PRKDC: variants seen among roughly 807,000 people sequenced by gnomAD.
PRKDC encodes the protein protein kinase, DNA-activated, catalytic subunit, also known as DNA-dependent protein kinase catalytic subunit.
Under a neutral mutation model 486.9 loss-of-function variants are expected in PRKDC, and 82 were observed. The observed-to-expected ratio is 0.17, with a 90% CI of 0.14 to 0.20. The LOEUF is 0.20. PRKDC is among the 10% of genes least tolerant of loss of function. The pLI, the probability that PRKDC is intolerant of heterozygous loss-of-function variation, is 1.00. For missense variants in PRKDC, 4,504 were observed against 5,038.2 expected (o/e 0.89, Z 3.21); for synonymous variants, 1,895 against 1,837.0 (o/e 1.03, Z -0.81).
intron 21 of PRKDC, among the ~76,000 whole-genome samples, chr8:47,923,590 C>G (rs2090109089): frequency 1.3e-5 from 2 of 152,194 alleles, no homozygotes; most frequent in African/African-American, 4.8e-5. Flanking sequence ...GGTGTCTATG[C>G]TGTAAAATCA....
At chr8:47,946,545 C>T (rs1019973173) in intron 7 of PRKDC, among the ~76,000 whole-genome samples, 1 of 152,094 alleles carries the variant, frequency 6.6e-6, no homozygotes, top group Non-Finnish European at 1.5e-5. Context: ...CCACCGGATG[C>T]GAGGCAGCCC....
intron 7 of PRKDC, among the ~76,000 whole-genome samples, chr8:47,952,821 T>C (rs1489691871): frequency 1.3e-5 from 2 of 151,320 alleles, no homozygotes; most frequent in African/African-American, 4.9e-5. Flanking sequence ...CTGGCCAACA[T>C]GGTGAAACCC....
chr8:47,900,551 G>A, intron 27 of PRKDC, 84 bp from the exon 28 acceptor site: 1 of 1,264,116 alleles, frequency 7.9e-7, no homozygotes, highest in Non-Finnish European at 1.1e-6. Context: ...AATTAAAGAA[G>A]GCACACATTA....
chr8:47,841,485 C>A (rs1293307996), intron 54 of PRKDC, among the ~76,000 whole-genome samples: 1 of 152,194 alleles, frequency 6.6e-6, no homozygotes. Flanking sequence ...ATTACCCAGC[C>A]TGAGTGCTTT....
Position 47,888,627 on chromosome 8 carries a change from T to C in PRKDC, c.4304A>G (p.Asn1435Ser). The C allele has an allele frequency of 1.3e-6, 2 of 1,594,128 alleles. No homozygotes were observed. The highest frequency in any genetic ancestry group is 1.2e-5 in the South Asian group (1 of 86,952). ...AQSIEELCAVNLYGPDAQVDR... is the reference protein window; with the variant it reads ...AQSIEELCAVSLYGPDAQVDR... ...CACTTGCGCGTCAGGGCCATACAAG[T>C]TGACGGCACAAAGCTCCTCAATGCT... The change falls in exon 34 of 86, where the codon AAC (asparagine) becomes AGC (serine). Residue 1435 changes from asparagine (N) to serine (S), a missense_variant. This residue lies in a region of PRKDC where 1,969 missense variants were observed against 2,068.9 expected (regional missense o/e 0.95). Coordinates refer to ENST00000314191, the MANE Select transcript of PRKDC (RefSeq NM_006904.7).
Position 47,889,104 on chromosome 8 carries a change from T to G in PRKDC, c.4190A>C (p.Asp1397Ala), listed in dbSNP as rs773625506. 6.2e-7 allele frequency: 1 copy of G among 1,613,936 alleles called. No individual in the cohort carries two copies. The highest frequency in any genetic ancestry group is 1.1e-5 in the South Asian group (1 of 91,080). Reference protein sequence around the residue: ...GDVQVMAHLPDVCVNLMKALK... With the variant: ...GDVQVMAHLPAVCVNLMKALK... ...AGCTTTCATCAGATTCACACAAACATCAGGAAGATGAGCCATAACCTGGAC... is the reference window on the plus strand; with the variant it reads ...AGCTTTCATCAGATTCACACAAACAGCAGGAAGATGAGCCATAACCTGGAC... Residue 1397 changes from aspartate to alanine, a missense_variant, in exon 33 of 86, where the codon GAT (aspartate) becomes GCT (alanine). Asp to Ala is a moderately radical substitution (Grantham distance 126). Around this residue, in one of 6 missense-constraint regions of PRKDC, gnomAD observed 1,969 missense variants for 2,068.9 expected, o/e 0.95. Transcript: ENST00000314191.
chr8:47,798,274 C>A lies in PRKDC; in HGVS notation c.10421G>T (p.Arg3474Leu), dbSNP rs761784130. 6.2e-7 allele frequency: 1 copy of A among 1,613,696 alleles called. No homozygotes were observed. Among genetic ancestry groups the A allele is most frequent in the Non-Finnish European group, 8.5e-7 (1 of 1,179,790 alleles). Reference protein sequence around the residue: ...KFPRLLQIIERYPEETLSLMT... With the variant: ...KFPRLLQIIELYPEETLSLMT... ...GAGGCTCAAAGTCTCCTCTGGATAC[C>A]GTTCTATAATCTGAAGTAATCTAGG... is the stretch of plus-strand genomic sequence containing the variant. Residue 3474 changes from arginine (R) to leucine (L), a missense_variant, in exon 73 of 86, where the codon CGG becomes CTG. Arg to Leu is a moderately radical substitution (Grantham distance 102, BLOSUM62 -2). Coordinates refer to ENST00000314191, the MANE Select transcript of PRKDC (RefSeq NM_006904.7).
Position 47,943,955 on chromosome 8 carries a change from A to G in PRKDC, c.777+19T>C. On this transcript the variant is annotated intron_variant, in intron 8 of 85. Transcript: ENST00000314191. ...CTGTAAAGGCATTAGAATAATATTA[A>G]TAGTAATATTAATCCTACCTGAGGA... 1.3e-6 allele frequency: 2 copies of G among 1,548,906 alleles called. No individual in the cohort carries two copies. Among genetic ancestry groups the G allele is most frequent in the Non-Finnish European group, 8.8e-7 (1 of 1,138,696 alleles).
chr8:47,857,290 G>A lies in PRKDC; in HGVS notation c.6475C>T (p.Pro2159Ser), dbSNP rs947110464. 5 of 1,607,334 alleles carry A rather than the reference G, an allele frequency of 3.1e-6. No homozygotes were observed. Among genetic ancestry groups the A allele is most frequent in the Non-Finnish European group, 4.2e-6 (5 of 1,178,030 alleles). ...GGGCTAAGCCAGTGCTTCGCGTAAG[G>A]GCGAAAGACCTACAAGAGGATGTAA... is the stretch of plus-strand genomic sequence containing the variant. ...LVINTEEVFR[P>S]YAKHWLSPLL... The change falls in exon 49 of 86, where the codon CCT (proline) becomes TCT (serine). Residue 2159 changes from proline (P) to serine (S), a missense_variant. Transcript: ENST00000314191.
In PRKDC at chr8:47,849,310, G is replaced by A. The variant is rs2088349745; in HGVS notation, c.7131-7C>T. ...GAACACAGCATTCATGAACCTGGCGGGGAAGGGAACTGGTGAGAGGAGGGC... is the reference window on the plus strand; with the variant it reads ...GAACACAGCATTCATGAACCTGGCGAGGAAGGGAACTGGTGAGAGGAGGGC... On this transcript the variant is annotated splice_region_variant and splice_polypyrimidine_tract_variant and intron_variant, in intron 53 of 85. Transcript: ENST00000314191. 5.6e-6 allele frequency: 9 copies of A among 1,613,950 alleles called. No homozygotes were observed. The highest frequency in any genetic ancestry group is 7.6e-6 in the Non-Finnish European group (9 of 1,179,870).
chr8:47,884,242 G>C (rs1203828546), intron 36 of PRKDC, among the ~76,000 whole-genome samples: 2 of 152,216 alleles, frequency 1.3e-5, no homozygotes, highest in African/African-American at 2.4e-5. Flanking sequence ...CAGCAGCAGA[G>C]ACAGGAGGCT....
At chr8:47,816,851 A>G (rs2087458271) in intron 68 of PRKDC, among the ~76,000 whole-genome samples, 1 of 152,130 alleles carries the variant, frequency 6.6e-6, no homozygotes, top group South Asian at 2.1e-4. Context: ...AGTGGAGGAA[A>G]TAATGGGAGA....
Position 47,773,455 on chromosome 8 carries a change from A to G in PRKDC, c.*718T>C, listed in dbSNP as rs548147233. On this transcript the variant is annotated 3_prime_UTR_variant, in exon 86 of 86. Transcript: ENST00000314191. ...GATTTTTGAAGTTATCCCAAATTCAATGCAAAGCACTTTTATGTATCTTCC... is the reference window on the plus strand; with the variant it reads ...GATTTTTGAAGTTATCCCAAATTCAGTGCAAAGCACTTTTATGTATCTTCC... The G allele has an allele frequency of 1.8e-5, 4 of 217,886 alleles. No homozygotes were observed. Among genetic ancestry groups the G allele is most frequent in the East Asian group, 1.4e-4 (2 of 14,592 alleles). The allele number at this position is 217,886 out of a possible 1,614,324, so 13.5% of individuals were successfully genotyped here.
At position 47,837,213 on chromosome 8, in the gene PRKDC, T is replaced by C. The variant is rs749917157; in HGVS notation, c.7760A>G (p.Gln2587Arg). 9.3e-6 allele frequency: 15 copies of C among 1,611,560 alleles called. No individual in the cohort carries two copies. The South Asian group carries it at 1.5e-4, about 17-fold the overall frequency. ...CTATGAGAGAGAAGACCACATTACC[T>C]GAAATTCGCATTCTGACAGAGGATG... ...FEHPLSECEFQEYTIDSDWRF... is the reference protein window; with the variant it reads ...FEHPLSECEFREYTIDSDWRF... Residue 2587 changes from glutamine (Q) to arginine (R), a missense_variant and splice_region_variant, in exon 57 of 86, where the codon CAG (glutamine) becomes CGG (arginine). Transcript: ENST00000314191.
intron 12 of PRKDC, 132 bp from the exon 13 acceptor site, chr8:47,936,032 T>C: frequency 1.1e-6 from 1 of 931,688 alleles, no homozygotes; most frequent in South Asian, 2.2e-5. Flanking sequence ...TCATCTAACC[T>C]GCTGCTTAAC....
chr8:47,782,663 C>T lies in PRKDC; in HGVS notation c.11176-65G>A. The T allele has an allele frequency of 6.6e-7, 1 of 1,508,612 alleles. No individual in the cohort carries two copies. The highest frequency in any genetic ancestry group is 8.9e-7 in the Non-Finnish European group (1 of 1,117,698). 93.5% of individuals were successfully genotyped at this position (1,508,612 alleles called of 1,614,324 possible). On this transcript the variant is annotated intron_variant, in intron 78 of 85. Coordinates refer to ENST00000314191, the MANE Select transcript of PRKDC (RefSeq NM_006904.7). The surrounding 1 kb of genome is among the most constrained non-coding windows in gnomAD (Gnocchi z 4.9). Reference sequence around the variant, plus strand: ...CACGTGTCAAACTCAGAGGGAAAAGCCAGAGTGGCTGTGAGCATTCCTCCG... The same window carrying T: ...CACGTGTCAAACTCAGAGGGAAAAGTCAGAGTGGCTGTGAGCATTCCTCCG...
rs770291668 is a variant in PRKDC, at chr8:47,837,405, T to C, written c.7568A>G (p.Asn2523Ser). The C allele has an allele frequency of 6.8e-6, 11 of 1,606,018 alleles. No individual in the cohort carries two copies. In the South Asian group the frequency reaches 1.2e-4, roughly 18 times the overall value. Residue 2523 changes from asparagine (N) to serine (S), a missense_variant, in exon 57 of 86, where the codon AAT (asparagine) becomes AGT (serine). This residue lies in a region of PRKDC where 1,592 missense variants were observed against 1,724.6 expected (regional missense o/e 0.92). Coordinates refer to ENST00000314191, the MANE Select transcript of PRKDC (RefSeq NM_006904.7). ...TAACCTAGTTTCATGGCTCCAGAAA[T>C]TTCGAATAATTAATCTGAAAAGCAA... ...ENPGLQLIIR[N>S]FWSHETRLPS...
At chr8:47,884,005 G>A (rs913457118) in intron 36 of PRKDC, among the ~76,000 whole-genome samples, 1 of 152,246 alleles carries the variant, frequency 6.6e-6, no homozygotes, top group Non-Finnish European at 1.5e-5. Context: ...GGCTTGTCAG[G>A]ATATTCTGGT....
chr8:47,892,068 C>T (rs113191247), intron 31 of PRKDC, among the ~76,000 whole-genome samples: 7,397 of 152,104 alleles, frequency 0.049, 209 homozygotes, highest in Middle Eastern at 0.068. Context: ...CGGGATTTCG[C>T]CATGTTGGCC....
Sources: gnomAD v4.1 joint callset for allele counts (sites outside exome capture counted in the v4.1 genomes callset) on GRCh38, gnomAD v4.1.1 for gene constraint, gnomAD v4.1.1 regional missense constraint, Gnocchi (gnomAD v3.1) non-coding constraint, MANE v1.5 for transcripts, NCBI Gene and HGNC (gene_info 2026-07-23, HGNC 2026-07-21) for gene names.